Variants in GARIN1B observed in about 807,000 individuals in gnomAD.
The protein encoded by GARIN1B is golgi associated RAB2 interactor 1B.
At chr7:128,729,945 C>T in the GARIN1B span, 5 of 1,614,200 alleles carry the variant, frequency 3.1e-6, no homozygotes, top group Non-Finnish European at 3.4e-6. Flanking sequence ...GCACCTGTGA[C>T]CTACGTTGGA....
the GARIN1B span, chr7:128,731,615 A>C: frequency 6.0e-6 from 1 of 166,710 alleles, no homozygotes; most frequent in Non-Finnish European, 1.3e-5. Context: ...CATAAACAAA[A>C]AAAAGAAATG....
At chr7:128,720,684 A>G in the GARIN1B span, among the ~76,000 whole-genome samples, 1 of 152,098 alleles carries the variant, frequency 6.6e-6, no homozygotes, top group Non-Finnish European at 1.5e-5. Context: ...GTGTATATGG[A>G]TATGTAATTA....
the GARIN1B span, among the ~76,000 whole-genome samples, chr7:128,729,411 C>T: frequency 6.6e-6 from 1 of 152,150 alleles, no homozygotes; most frequent in East Asian, 1.9e-4. Context: ...TTGGGTCTAG[C>T]GGGATTGAGA....
At chr7:128,729,884 T>C in the GARIN1B span, 2 of 1,609,942 alleles carry the variant, frequency 1.2e-6, no homozygotes, top group Non-Finnish European at 1.7e-6. Flanking sequence ...AGCAAATGCA[T>C]TTCTTTACTT....
chr7:128,731,192 C>T, the GARIN1B span: 100,014 of 1,341,308 alleles, frequency 0.075, 4,352 homozygotes, highest in Middle Eastern at 0.15. Context: ...GAGGGATTAT[C>T]GGGATGGAGA....
the GARIN1B span, chr7:128,723,149 A>G: frequency 1.3e-6 from 2 of 1,496,752 alleles, no homozygotes; most frequent in Admixed American, 4.3e-5. Context: ...GAAAATGTGA[A>G]GACCCCAAGG....
the GARIN1B span, among the ~76,000 whole-genome samples, chr7:128,720,201 TTC>T: frequency 1.1e-4 from 14 of 128,226 alleles, no homozygotes; most frequent in South Asian, 1.0e-3. Flanking sequence ...TTTTTCCTTC[TTC>T]TTTTTTTTTT....
At chr7:128,726,111 G>A in the GARIN1B span, among the ~76,000 whole-genome samples, 1 of 152,204 alleles carries the variant, frequency 6.6e-6, no homozygotes, top group Admixed American at 6.5e-5. Context: ...TGAGCCAGGC[G>A]GGGCCTGGGA....
At chr7:128,710,913 C>T in the GARIN1B span, among the ~76,000 whole-genome samples, 1 of 152,178 alleles carries the variant, frequency 6.6e-6, no homozygotes, top group African/African-American at 2.4e-5. Flanking sequence ...CCGCCTCAGC[C>T]TTCCAAAGTG....
the GARIN1B span, among the ~76,000 whole-genome samples, chr7:128,720,073 C>A: frequency 8.5e-5 from 13 of 152,200 alleles, no homozygotes; most frequent in East Asian, 2.3e-3. Context: ...GATACAAGTT[C>A]TTCATCTGAT....
the GARIN1B span, chr7:128,709,249 G>A: frequency 6.6e-6 from 1 of 152,126 alleles, no homozygotes; most frequent in African/African-American, 2.4e-5. Flanking sequence ...ACAATACTTT[G>A]GGGTCTTTGA....
chr7:128,730,388 T>C, the GARIN1B span, among the ~76,000 whole-genome samples: 1 of 151,970 alleles, frequency 6.6e-6, no homozygotes, highest in South Asian at 2.1e-4. Flanking sequence ...TTCCTGGAGC[T>C]CTTGAAGGGC....
At chr7:128,719,008 C>T in the GARIN1B span, 4 of 1,614,050 alleles carry the variant, frequency 2.5e-6, no homozygotes, top group African/African-American at 5.3e-5. Context: ...TGTCCATCAC[C>T]ACCAAAGACC....
At chr7:128,731,140 T>C in the GARIN1B span, 1 of 1,602,688 alleles carries the variant, frequency 6.2e-7, no homozygotes, top group South Asian at 1.1e-5. Flanking sequence ...GGGGAGAATC[T>C]ATGCAAGCCT....
chr7:128,717,262 A>G, the GARIN1B span, among the ~76,000 whole-genome samples: 1 of 152,242 alleles, frequency 6.6e-6, no homozygotes, highest in East Asian at 1.9e-4. Flanking sequence ...CACTGAATTC[A>G]TAGGAAATCT....
At chr7:128,718,359 G>C in the GARIN1B span, among the ~76,000 whole-genome samples, 2 of 151,464 alleles carry the variant, frequency 1.3e-5, no homozygotes, top group Non-Finnish European at 2.9e-5. Context: ...TTGAACCTAG[G>C]AGGCGGAGGT....
chr7:128,727,813 CCTT>C, the GARIN1B span, among the ~76,000 whole-genome samples: 1 of 152,146 alleles, frequency 6.6e-6, no homozygotes, highest in African/African-American at 2.4e-5. Context: ...TCACACAACA[CCTT>C]CCTGCCAGGC....
chr7:128,717,068 A>G, the GARIN1B span: 2 of 1,375,312 alleles, frequency 1.5e-6, no homozygotes, highest in Non-Finnish European at 2.0e-6. Flanking sequence ...TTGCTTGACT[A>G]CTAAACTCAA....
At chr7:128,716,898 C>T in the GARIN1B span, 1 of 1,613,838 alleles carries the variant, frequency 6.2e-7, no homozygotes, top group South Asian at 1.1e-5. Flanking sequence ...CCCTGCCTGC[C>T]CCTCCCCAAC....
Sources: gnomAD v4.1 joint callset for allele counts (sites outside exome capture counted in the v4.1 genomes callset) on GRCh38, gnomAD v4.1.1 for gene constraint, MANE v1.5 for transcripts, NCBI Gene and HGNC (gene_info 2026-07-23, HGNC 2026-07-21) for gene names.